Variants in SORCS2 observed in about 807,000 individuals in gnomAD.
SORCS2 encodes the protein VPS10 domain-containing receptor SorCS2.
A neutral mutation model predicts 141.6 loss-of-function variants in SORCS2; 100 were observed. The observed-to-expected ratio is 0.71, with a 90% confidence interval of 0.60 to 0.83. The LOEUF (loss-of-function observed/expected upper bound fraction) is 0.83. Ranked by LOEUF, SORCS2 falls within the 40% of genes least tolerant of loss-of-function variation. The pLI, the probability that SORCS2 is intolerant of heterozygous loss-of-function variation, is 0.00. For synonymous variants in SORCS2, 789 were observed against 676.9 expected, an observed-to-expected ratio of 1.17 and a Z score of -2.57; for missense variants, 1,646 against 1,560.2, an observed-to-expected ratio of 1.05 and a Z score of -0.93.
intron 1 of SORCS2, among the ~76,000 whole-genome samples, chr4:7,348,705 C>T (rs1720774363): frequency 6.6e-6 from 1 of 152,164 alleles, no homozygotes; most frequent in African/African-American, 2.4e-5. Flanking sequence ...GGGCGCACCA[C>T]CATGTCTGGC....
chr4:7,267,109 T>G (rs540956512), intron 1 of SORCS2, among the ~76,000 whole-genome samples: 1 of 152,290 alleles, frequency 6.6e-6, no homozygotes, highest in East Asian at 1.9e-4. Context: ...ATTTATTGCA[T>G]GAATCAGTGA....
chr4:7,245,162 G>A (rs1374541709), intron 1 of SORCS2, among the ~76,000 whole-genome samples: 1 of 152,164 alleles, frequency 6.6e-6, no homozygotes, highest in East Asian at 1.9e-4. Flanking sequence ...AGCTGCAGGA[G>A]CCTGGATGCA....
At position 7,531,510 on chromosome 4, in the gene SORCS2, C is replaced by T; in HGVS notation, c.549-20C>T. The stretch of plus-strand genomic sequence containing the variant: ...CACTTGGAGGGTACATGGCTGACGG[C>T]TGTCCCCCTTTTCCCCCAGGTCATC... On this transcript the variant is annotated intron_variant, in intron 2 of 26. Coordinates refer to ENST00000507866, the MANE Select transcript of SORCS2 (RefSeq NM_020777.3). 6.2e-7 allele frequency: 1 copy of T among 1,610,390 alleles called. No individual in the cohort carries two copies. The highest frequency in any genetic ancestry group is 8.5e-7 in the Non-Finnish European group (1 of 1,177,270).
At chr4:7,530,107 C>CTCAGG (rs1371866766) in intron 2 of SORCS2, among the ~76,000 whole-genome samples, 1 of 152,236 alleles carries the variant, frequency 6.6e-6, no homozygotes, top group Non-Finnish European at 1.5e-5. Flanking sequence ...CTCAGGTTCA[C>CTCAGG]TTGAAGATGT....
intron 1 of SORCS2, among the ~76,000 whole-genome samples, chr4:7,375,835 A>C (rs12503542): frequency 0.7 from 106,123 of 152,118 alleles, 37,320 homozygotes; most frequent in East Asian, 0.94. Context: ...GTCGAGTGCA[A>C]GTGGCTTCTT....
chr4:7,370,929 C>T (rs1055761282), intron 1 of SORCS2, among the ~76,000 whole-genome samples: 5 of 152,188 alleles, frequency 3.3e-5, no homozygotes, highest in Admixed American at 2.6e-4. Flanking sequence ...TGAAGACTTG[C>T]CTGTGGGGTC....
chr4:7,406,085 TACAA>T (rs1724951413), intron 2 of SORCS2, among the ~76,000 whole-genome samples: 1 of 152,132 alleles, frequency 6.6e-6, no homozygotes, highest in Non-Finnish European at 1.5e-5. Flanking sequence ...GTATCCTTGG[TACAA>T]AATCCACTTG....
intron 4 of SORCS2, among the ~76,000 whole-genome samples, chr4:7,652,922 C>G (rs1449954723): frequency 2.6e-5 from 4 of 152,256 alleles, no homozygotes; most frequent in Admixed American, 2.0e-4. Flanking sequence ...CTTCTGCGCT[C>G]TCTCTCTGGG....
At chr4:7,500,931 G>T (rs899047422) in intron 2 of SORCS2, among the ~76,000 whole-genome samples, 2 of 152,218 alleles carry the variant, frequency 1.3e-5, no homozygotes, top group African/African-American at 4.8e-5. Flanking sequence ...CGACTCCTGT[G>T]ATTCTGCCGG....
At chr4:7,541,802 G>A (rs527856630) in intron 3 of SORCS2, among the ~76,000 whole-genome samples, 23 of 152,348 alleles carry the variant, frequency 1.5e-4, no homozygotes, top group Admixed American at 4.6e-4. Context: ...CACACGGGGC[G>A]TGTGGACATG....
chr4:7,692,670 C>T (rs1287067423), intron 11 of SORCS2, among the ~76,000 whole-genome samples: 1 of 152,170 alleles, frequency 6.6e-6, no homozygotes, highest in Non-Finnish European at 1.5e-5. Context: ...CATCCTGATG[C>T]CGAGTGTTCC....
chr4:7,375,982 T>G (rs1030179284), intron 1 of SORCS2, among the ~76,000 whole-genome samples: 2 of 152,162 alleles, frequency 1.3e-5, no homozygotes, highest in Non-Finnish European at 2.9e-5. Context: ...TTAAATGAGG[T>G]GAATGCTTAT....
intron 2 of SORCS2, among the ~76,000 whole-genome samples, chr4:7,479,159 G>C (rs7675834): frequency 0.14 from 21,796 of 151,718 alleles, 2,442 homozygotes; most frequent in African/African-American, 0.32. Context: ...AACGCCAGCA[G>C]CCAGCTGCCC....
intron 3 of SORCS2, among the ~76,000 whole-genome samples, chr4:7,579,204 C>T (rs1228590335): frequency 6.6e-6 from 1 of 152,104 alleles, no homozygotes; most frequent in Admixed American, 6.5e-5. Flanking sequence ...CTTAATCTGT[C>T]GTTATTTTTC....
chr4:7,503,898 C>CG (rs1050886893), intron 2 of SORCS2, among the ~76,000 whole-genome samples: 9 of 152,172 alleles, frequency 5.9e-5, no homozygotes, highest in African/African-American at 1.4e-4. Flanking sequence ...TTGGCAGCGT[C>CG]GGGGGGCTGA....
At chr4:7,713,838 T>C (rs1725991681) in intron 15 of SORCS2, among the ~76,000 whole-genome samples, 2 of 152,176 alleles carry the variant, frequency 1.3e-5, no homozygotes, top group Non-Finnish European at 2.9e-5. Flanking sequence ...ACAGCAGCTG[T>C]TGCAGGGAGA....
At chr4:7,258,002 C>T (rs532338392) in intron 1 of SORCS2, among the ~76,000 whole-genome samples, 39 of 152,328 alleles carry the variant, frequency 2.6e-4, no homozygotes, top group African/African-American at 8.7e-4. Context: ...AGCTCTCACC[C>T]GCCCAGGTAC....
At chr4:7,265,446 G>A (rs572892082) in intron 1 of SORCS2, among the ~76,000 whole-genome samples, 360 of 152,274 alleles carry the variant, frequency 2.4e-3, no homozygotes, top group Middle Eastern at 0.01. Flanking sequence ...AGCCGAGATT[G>A]CACCACTGCA....
At chr4:7,251,513 A>G (rs778623503) in intron 1 of SORCS2, among the ~76,000 whole-genome samples, 36 of 152,212 alleles carry the variant, frequency 2.4e-4, no homozygotes, top group Non-Finnish European at 3.2e-4. Flanking sequence ...GAGTTATTGC[A>G]ACATGATAGC....
Sources: gnomAD v4.1 joint callset for allele counts (sites outside exome capture counted in the v4.1 genomes callset) on GRCh38, gnomAD v4.1.1 for gene constraint, MANE v1.5 for transcripts, NCBI Gene and HGNC (gene_info 2026-07-23, HGNC 2026-07-21) for gene names.